SLC44A5: variants seen among roughly 807,000 people sequenced by gnomAD.
The protein encoded by SLC44A5 is choline transporter-like protein 5.
A neutral mutation model predicts 101.8 loss-of-function variants in SLC44A5; 57 were observed. The ratio of observed to expected loss-of-function variants is 0.56; its 90% CI spans 0.45 to 0.70. The LOEUF (loss-of-function observed/expected upper bound fraction) is 0.70. SLC44A5 is among the 30% of genes least tolerant of loss of function. The pLI is 0.00. For synonymous variants in SLC44A5, 281 were observed against 290.9 expected, an observed-to-expected ratio of 0.97 and a Z score of 0.35; for missense variants, 737 against 853.1, an observed-to-expected ratio of 0.86 and a Z score of 1.70.
intron 1 of SLC44A5, among the ~76,000 whole-genome samples, chr1:75,564,603 T>TTTTATTTATTTATTTA (rs10526449): frequency 0.26 from 35,339 of 137,770 alleles, 5,451 homozygotes; most frequent in African/African-American, 0.4. Context: ...TTTTTTTAAT[T>TTTTATTTATTTATTTA]TTTATTTATT....
chr1:75,353,799 T>C (rs1043046980), intron 3 of SLC44A5, among the ~76,000 whole-genome samples: 1 of 152,222 alleles, frequency 6.6e-6, no homozygotes, highest in African/African-American at 2.4e-5. Context: ...AGGATTAATA[T>C]GTACACTTCT....
At chr1:75,404,561 G>T (rs1366196298) in intron 2 of SLC44A5, among the ~76,000 whole-genome samples, 2 of 152,148 alleles carry the variant, frequency 1.3e-5, no homozygotes, top group East Asian at 1.9e-4. Context: ...TTAAAGAAAA[G>T]AATTTTCAAC....
chr1:75,233,168 G>T (rs1647747965), intron 12 of SLC44A5, among the ~76,000 whole-genome samples: 1 of 152,006 alleles, frequency 6.6e-6, no homozygotes, highest in Admixed American at 6.6e-5. Context: ...TATTGTTTTG[G>T]GGGGATCAAG....
intron 2 of SLC44A5, among the ~76,000 whole-genome samples, chr1:75,495,827 T>C (rs1181495489): frequency 1.3e-5 from 2 of 152,152 alleles, no homozygotes; most frequent in African/African-American, 4.8e-5. Context: ...TGTGGGTATA[T>C]AGGATGTGTA....
intron 3 of SLC44A5, among the ~76,000 whole-genome samples, chr1:75,388,986 G>A (rs1304761733): frequency 6.6e-6 from 1 of 151,244 alleles, no homozygotes; most frequent in African/African-American, 2.4e-5. Flanking sequence ...GATAGAAAAA[G>A]GTCTATCAAA....
the SLC44A5 span, among the ~76,000 whole-genome samples, chr1:75,674,614 G>A: frequency 0.037 from 1,030 of 27,532 alleles, 16 homozygotes; most frequent in Admixed American, 0.11. Context: ...TCCTGAGCTC[G>A]GGTGATCCCC....
chr1:75,423,905 G>A (rs1263716447), intron 2 of SLC44A5, among the ~76,000 whole-genome samples: 2 of 152,174 alleles, frequency 1.3e-5, no homozygotes, highest in East Asian at 1.9e-4. Context: ...GTTGCTCAGG[G>A]TATAAGCAGA....
intron 2 of SLC44A5, among the ~76,000 whole-genome samples, chr1:75,467,612 G>A (rs778775843): frequency 6.6e-6 from 1 of 152,130 alleles, no homozygotes; most frequent in African/African-American, 2.4e-5. Context: ...ATGATGCTGG[G>A]AAAACAGGTT....
At chr1:75,519,232 G>C (rs10465738) in intron 2 of SLC44A5, among the ~76,000 whole-genome samples, 21,969 of 152,060 alleles carry the variant, frequency 0.14, 1,788 homozygotes, top group African/African-American at 0.19. Flanking sequence ...AGTTGATAAG[G>C]TAGGTTACCT....
chr1:75,426,626 A>G (rs768323594), intron 2 of SLC44A5, among the ~76,000 whole-genome samples: 2 of 152,244 alleles, frequency 1.3e-5, no homozygotes, highest in East Asian at 3.8e-4. Context: ...CCCTTTCTAG[A>G]TTTGGATAAT....
chr1:75,674,019 T>C, the SLC44A5 span, among the ~76,000 whole-genome samples: 1 of 152,054 alleles, frequency 6.6e-6, no homozygotes, highest in Admixed American at 6.5e-5. Flanking sequence ...AATGAACATC[T>C]AAAAGCATCA....
At chr1:75,678,861 T>C in the SLC44A5 span, among the ~76,000 whole-genome samples, 1 of 152,050 alleles carries the variant, frequency 6.6e-6, no homozygotes, top group Non-Finnish European at 1.5e-5. Context: ...TTGAAAACTT[T>C]GAAAAAAATT....
chr1:75,619,896 A>G, the SLC44A5 span, among the ~76,000 whole-genome samples: 1 of 152,180 alleles, frequency 6.6e-6, no homozygotes, highest in Non-Finnish European at 1.5e-5. Flanking sequence ...GGTTTGTTAC[A>G]TAGGTATTCA....
chr1:75,244,587 C>A (rs2100616667), intron 7 of SLC44A5, among the ~76,000 whole-genome samples: 1 of 152,122 alleles, frequency 6.6e-6, no homozygotes, highest in South Asian at 2.1e-4. Flanking sequence ...CACAATCAAT[C>A]ATCATTATGG....
intron 2 of SLC44A5, among the ~76,000 whole-genome samples, chr1:75,407,801 G>T (rs1662978992): frequency 6.6e-6 from 1 of 152,146 alleles, no homozygotes; most frequent in African/African-American, 2.4e-5. Flanking sequence ...ATAGGCATGG[G>T]CAAAGGCTTC....
chr1:75,471,783 A>G (rs1462757761), intron 2 of SLC44A5, among the ~76,000 whole-genome samples: 1 of 151,762 alleles, frequency 6.6e-6, no homozygotes, highest in Admixed American at 6.6e-5. Flanking sequence ...CTCTTATTCT[A>G]CCTATGCCTA....
chr1:75,482,982 T>A (rs1667957029), intron 2 of SLC44A5, among the ~76,000 whole-genome samples: 1 of 152,216 alleles, frequency 6.6e-6, no homozygotes, highest in Non-Finnish European at 1.5e-5. Context: ...AATTTGAAAA[T>A]TGAATAAATA....
intron 2 of SLC44A5, among the ~76,000 whole-genome samples, chr1:75,443,237 G>A (rs991253197): frequency 6.6e-6 from 1 of 151,638 alleles, no homozygotes; most frequent in Non-Finnish European, 1.5e-5. Flanking sequence ...TTGAACTTAA[G>A]AAGTCAGAAA....
intron 5 of SLC44A5, among the ~76,000 whole-genome samples, chr1:75,283,224 T>C (rs1228088637): frequency 3.3e-5 from 5 of 152,194 alleles, no homozygotes; most frequent in African/African-American, 1.2e-4. Context: ...GTTGTAGTTT[T>C]GATTTGCATT....
Sources: allele counts gnomAD v4.1 joint callset (sites outside exome capture counted in the v4.1 genomes callset), GRCh38; gene constraint gnomAD v4.1.1; transcripts MANE v1.5; gene names NCBI Gene and HGNC (gene_info 2026-07-23, HGNC 2026-07-21).